Variants in AIF1L observed in about 807,000 individuals in gnomAD.
AIF1L encodes allograft inflammatory factor 1-like.
In AIF1L, 12 loss-of-function variants were observed where a neutral mutation model predicts 20.7. That is an observed-to-expected ratio of 0.58 (90% confidence interval 0.37 to 0.94). The LOEUF (loss-of-function observed/expected upper bound fraction) is 0.94. Ranked by LOEUF, AIF1L falls within the 40% of genes least tolerant of loss-of-function variation. The pLI is 0.01. For synonymous variants in AIF1L, 76 were observed against 65.1 expected, an observed-to-expected ratio of 1.17 and a Z score of -0.81; for missense variants, 173 against 185.3, an observed-to-expected ratio of 0.93 and a Z score of 0.39.
intron 2 of AIF1L, among the ~76,000 whole-genome samples, chr9:131,102,030 C>A (rs2133376500): frequency 6.6e-6 from 1 of 152,304 alleles, no homozygotes; most frequent in East Asian, 1.9e-4. Context: ...GATTCCCCTG[C>A]CACAGCCTCC....
At chr9:131,112,021 CCT>C in intron 3 of AIF1L, 1 of 257,698 alleles carries the variant, frequency 3.9e-6, no homozygotes, top group Non-Finnish European at 7.6e-6. Flanking sequence ...GCAAGCCTTG[CCT>C]CTCCCCCTCC....
chr9:131,109,976 G>A (rs1467865998), intron 2 of AIF1L, among the ~76,000 whole-genome samples: 4 of 152,178 alleles, frequency 2.6e-5, no homozygotes, highest in South Asian at 4.1e-4. Flanking sequence ...TTGGGAGGCC[G>A]AGGCGGGCAG....
chr9:131,115,934 A>G, intron 4 of AIF1L, among the ~76,000 whole-genome samples: 1 of 150,784 alleles, frequency 6.6e-6, no homozygotes. Flanking sequence ...AGATTGCACC[A>G]TTGCACTCCA....
At chr9:131,102,839 C>G (rs7046721) in intron 2 of AIF1L, 1 of 455,804 alleles carries the variant, frequency 2.2e-6, no homozygotes, top group African/African-American at 2.0e-5. Context: ...TGCTTCCTGT[C>G]CTTGGAGTTC....
Position 131,104,415 on chromosome 9 carries a change from G to A in AIF1L, c.94-7182G>A, listed in dbSNP as rs1476229530. Among the ~76,000 whole-genome samples, 4 of 152,200 alleles carry A rather than the reference G, an allele frequency of 2.6e-5. No individual in the cohort carries two copies. The East Asian group carries it at 5.8e-4, about 22-fold the overall frequency. On this transcript the variant is annotated intron_variant, in intron 2 of 5. Coordinates refer to ENST00000247291, the MANE Select transcript of AIF1L (RefSeq NM_031426.4). The stretch of plus-strand genomic sequence containing the variant: ...TCTGGAATAACCTCCTGCAGCTGCC[G>A]AAGAGGAAAGGTAACTCCCAGTATT...
chr9:131,110,957 A>G (rs1248170274), intron 2 of AIF1L, among the ~76,000 whole-genome samples: 2 of 150,612 alleles, frequency 1.3e-5, no homozygotes, highest in Non-Finnish European at 3.0e-5. Context: ...GGGGGGATCA[A>G]CTGAGGTCAG....
In AIF1L at chr9:131,123,139, A is replaced by G. The variant is rs969323051; in HGVS notation, c.*2817A>G. On this transcript the variant is annotated 3_prime_UTR_variant, in exon 6 of 6. Coordinates refer to ENST00000247291, the MANE Select transcript of AIF1L (RefSeq NM_031426.4). The stretch of plus-strand genomic sequence containing the variant: ...CTACAGCCTGCAAATAAACCAGACA[A>G]ACTTACCAACGTCTTGATTGGTGTA... 2.0e-5 allele frequency: 3 copies of G among 152,302 alleles called. No individual in the cohort carries two copies. The South Asian group carries it at 6.2e-4, about 31-fold the overall frequency. The allele number at this position is 152,302 out of a possible 1,614,324, so 9.4% of individuals were successfully genotyped here.
chr9:131,111,748 A>C, intron 3 of AIF1L, 85 bp downstream of exon 3: 1 of 1,330,782 alleles, frequency 7.5e-7, no homozygotes, highest in Non-Finnish European at 1.1e-6. Context: ...CCTCAGCCCC[A>C]CAGGACTAGG....
At chr9:131,106,282 G>C (rs1386436678) in intron 2 of AIF1L, 2 of 1,460,900 alleles carry the variant, frequency 1.4e-6, no homozygotes, top group East Asian at 4.9e-5. Context: ...TAGTTAACCT[G>C]AGTCTCAACT....
chr9:131,114,589 A>T lies in AIF1L; in HGVS notation c.173A>T (p.Glu58Val), dbSNP rs868062787. ...CTGTGATTTCCAGAGAAGTACATGG[A>T]GTTTGACCTGAACAATGAAGGCGAG... ...KLTAFKEKYMEFDLNNEGEID... is the reference protein window; with the variant it reads ...KLTAFKEKYMVFDLNNEGEID... Residue 58 changes from glutamate (E) to valine (V), a missense_variant, in exon 4 of 6, where the codon GAG becomes GTG. Physicochemically the swap from Glu to Val is moderately radical, Grantham distance 121. Coordinates refer to ENST00000247291, the MANE Select transcript of AIF1L (RefSeq NM_031426.4). 18 of 1,614,100 alleles carry T rather than the reference A, an allele frequency of 1.1e-5. No homozygotes were observed. The Middle Eastern group carries it at 2.3e-3, about 207-fold the overall frequency.
At chr9:131,098,873 T>A (rs569222435) in intron 2 of AIF1L, among the ~76,000 whole-genome samples, 25 of 152,236 alleles carry the variant, frequency 1.6e-4, no homozygotes, top group African/African-American at 5.8e-4. Context: ...GCCAAGACGC[T>A]GTACTGAGAC....
At chr9:131,114,511 C>G in intron 3 of AIF1L, 66 bp from the exon 4 acceptor site, 1 of 1,574,882 alleles carries the variant, frequency 6.3e-7, no homozygotes. Context: ...CACAAGGGAG[C>G]CACTGGGTCC....
intron 2 of AIF1L, among the ~76,000 whole-genome samples, chr9:131,110,885 G>A (rs1830862998): frequency 1.3e-5 from 2 of 151,986 alleles, no homozygotes; most frequent in African/African-American, 4.8e-5. Flanking sequence ...GGGAGGGCCG[G>A]GCGCGGTGGC....
intron 5 of AIF1L, among the ~76,000 whole-genome samples, chr9:131,119,393 C>T (rs1018295046): frequency 3.3e-5 from 5 of 151,782 alleles, no homozygotes; most frequent in African/African-American, 9.7e-5. Flanking sequence ...CCTGGCTACT[C>T]GGGAGGCTGA....
intron 4 of AIF1L, among the ~76,000 whole-genome samples, chr9:131,116,517 T>G (rs7857304): frequency 0.071 from 10,771 of 152,240 alleles, 1,253 homozygotes; most frequent in African/African-American, 0.25. Context: ...GCCTGCCTCG[T>G]CGTCCCAAAG....
chr9:131,098,262 C>G (rs1011587322), intron 2 of AIF1L: 5 of 152,584 alleles, frequency 3.3e-5, no homozygotes, highest in African/African-American at 1.2e-4. Context: ...TCCAGGTAAG[C>G]TCCGGCCTCC....
chr9:131,096,563 C>T lies in AIF1L; in HGVS notation c.-67C>T, dbSNP rs1322851924. On this transcript the variant is annotated 5_prime_UTR_variant, in exon 1 of 6. Transcript: ENST00000247291. ...GCTAGCCGGAGCCCGGACCAGGCGC[C>T]TGTGCCTCCTCCTCGTCCCTCGCCG... 24 of 1,476,090 alleles carry T rather than the reference C, an allele frequency of 1.6e-5. No homozygotes were observed. The highest frequency in any genetic ancestry group is 1.6e-5 in the Non-Finnish European group (18 of 1,120,608). The allele number at this position is 1,476,090 out of a possible 1,614,324, so 91.4% of individuals were successfully genotyped here.
At chr9:131,096,978 C>T (rs996547843) in intron 2 of AIF1L, 115 bp downstream of exon 2, 2 of 1,197,260 alleles carry the variant, frequency 1.7e-6, no homozygotes, top group Non-Finnish European at 1.1e-6. Flanking sequence ...CTTCCCTTCC[C>T]CTGGGCTTCC....
intron 2 of AIF1L, chr9:131,098,332 G>C (rs1017369269): frequency 6.6e-6 from 1 of 152,528 alleles, no homozygotes; most frequent in African/African-American, 2.4e-5. Flanking sequence ...AAGGTTGCCC[G>C]GACATCTGGC....
Sources: gnomAD v4.1 joint callset for allele counts (sites outside exome capture counted in the v4.1 genomes callset) on GRCh38, gnomAD v4.1.1 for gene constraint, MANE v1.5 for transcripts, NCBI Gene and HGNC (gene_info 2026-07-23, HGNC 2026-07-21) for gene names.